BNC2: variants seen among roughly 807,000 people sequenced by gnomAD.
BNC2 encodes basonuclin zinc finger protein 2.
BNC2 carries 20 observed loss-of-function variants against 76.3 expected under a neutral mutation model. The observed-to-expected ratio is 0.26, with a 90% CI of 0.18 to 0.38. The LOEUF (loss-of-function observed/expected upper bound fraction) is 0.38, where lower values mean the gene tolerates loss of function less well. BNC2 is among the 10% of genes least tolerant of loss of function. The pLI, the probability that BNC2 is intolerant of heterozygous loss-of-function variation, is 1.00. For synonymous variants in BNC2, 582 were observed against 514.8 expected (o/e 1.13, Z -1.77); for missense variants, 1,382 against 1,399.8 (o/e 0.99, Z 0.20).
At chr9:16,753,895 G>A (rs570639793) in intron 1 of BNC2, among the ~76,000 whole-genome samples, 2 of 152,264 alleles carry the variant, frequency 1.3e-5, no homozygotes, top group African/African-American at 4.8e-5. Context: ...ATCACTTGAA[G>A]TGAATCACAC....
chr9:16,821,663 C>G (rs1397690252), intron 1 of BNC2, among the ~76,000 whole-genome samples: 1 of 152,000 alleles, frequency 6.6e-6, no homozygotes, highest in Non-Finnish European at 1.5e-5. Context: ...TTAAGAAGAA[C>G]CCAGCAGGGC....
At chr9:16,844,778 C>T (rs903307023) in intron 1 of BNC2, among the ~76,000 whole-genome samples, 7 of 152,026 alleles carry the variant, frequency 4.6e-5, no homozygotes, top group African/African-American at 7.2e-5. Flanking sequence ...TACAGGCATG[C>T]GCCACCGCAC....
At chr9:16,807,585 A>C (rs1226338371) in intron 1 of BNC2, among the ~76,000 whole-genome samples, 4 of 152,222 alleles carry the variant, frequency 2.6e-5, no homozygotes, top group Admixed American at 2.6e-4. Flanking sequence ...GAAATGCTCC[A>C]TGAAGAGAGG....
chr9:16,436,211 A>C lies in BNC2; in HGVS notation c.1983T>G (p.Asn661Lys). 3.1e-6 allele frequency: 5 copies of C among 1,613,988 alleles called. No homozygotes were observed. The highest frequency in any genetic ancestry group is 4.2e-6 in the Non-Finnish European group (5 of 1,179,996). Residue 661 changes from asparagine to lysine, a missense_variant, in exon 6 of 7, where the codon AAT (asparagine) becomes AAG (lysine). Around this residue, in one of 3 missense-constraint regions of BNC2, gnomAD observed 798 missense variants for 775.5 expected, o/e 1.03. Coordinates refer to ENST00000380672, the MANE Select transcript of BNC2 (RefSeq NM_017637.6). ...DEFDDEDDDP[N>K]DGGAVVNDMS... ...TGTCATTGACCACAGCTCCACCATC[A>C]TTGGGGTCATCATCTTCATCATCAA...
intron 1 of BNC2, among the ~76,000 whole-genome samples, chr9:16,841,307 A>G (rs980698277): frequency 2.6e-5 from 4 of 152,354 alleles, no homozygotes; most frequent in East Asian, 1.9e-4. Flanking sequence ...GCTTAAAGAA[A>G]TTCTGTCCCT....
intron 1 of BNC2, among the ~76,000 whole-genome samples, chr9:16,863,810 T>C (rs1395283867): frequency 6.6e-6 from 1 of 152,302 alleles, no homozygotes; most frequent in East Asian, 1.9e-4. Flanking sequence ...ATTAACATAT[T>C]TGAAAAGTTA....
intron 3 of BNC2, among the ~76,000 whole-genome samples, chr9:16,611,275 A>G (rs916158874): frequency 6.6e-6 from 1 of 152,196 alleles, no homozygotes; most frequent in African/African-American, 2.4e-5. Flanking sequence ...GCATCCATCC[A>G]GCCAGAGTTT....
intron 1 of BNC2, among the ~76,000 whole-genome samples, chr9:16,796,472 A>G (rs1352490881): frequency 6.6e-6 from 1 of 151,936 alleles, no homozygotes; most frequent in Non-Finnish European, 1.5e-5. Context: ...AGAAATCATG[A>G]AAGGCAGGAG....
intron 3 of BNC2, among the ~76,000 whole-genome samples, chr9:16,615,869 T>C (rs1005467501): frequency 2.0e-5 from 3 of 152,170 alleles, no homozygotes; most frequent in Non-Finnish European, 4.4e-5. Context: ...TGAGCATGAT[T>C]GGTACTATTA....
intron 6 of BNC2, chr9:16,431,417 T>A (rs1820905532): frequency 2.2e-6 from 1 of 462,842 alleles, no homozygotes; most frequent in African/African-American, 2.0e-5. Context: ...TAATTCTGAC[T>A]ATCACGCTCT....
At chr9:16,431,781 G>A (rs1456085401) in intron 6 of BNC2, among the ~76,000 whole-genome samples, 1 of 152,150 alleles carries the variant, frequency 6.6e-6, no homozygotes, top group Non-Finnish European at 1.5e-5. Flanking sequence ...CAATGATTCA[G>A]GCACGTTACA....
intron 3 of BNC2, among the ~76,000 whole-genome samples, chr9:16,719,878 C>A (rs574471409): frequency 1.2e-3 from 180 of 152,320 alleles, no homozygotes; most frequent in African/African-American, 4.2e-3. Context: ...ATCCCTTCAA[C>A]CTACTGCACT....
At position 16,727,828 on chromosome 9, in the gene BNC2, T is replaced by C; in HGVS notation, c.299A>G (p.Asp100Gly). Reference sequence around the variant, plus strand: ...GGACATTCTGAATAAGAGGTTAGTATCAGCGTTTTGCCATGTCCCCATGAA... The same window carrying C: ...GGACATTCTGAATAAGAGGTTAGTACCAGCGTTTTGCCATGTCCCCATGAA... ...PGFMGTWQNA[D>G]TNLLFRMSQQ... is the part of the protein sequence containing the mutation. The change falls in exon 3 of 7, where the codon GAT becomes GGT. Residue 100 changes from aspartate (D) to glycine (G), a missense_variant. Asp to Gly is a moderately conservative substitution (Grantham distance 94, BLOSUM62 -1). Around this residue, in one of 3 missense-constraint regions of BNC2, gnomAD observed 557 missense variants for 540.9 expected, o/e 1.03. Transcript: ENST00000380672. 7 of 1,614,154 alleles carry C rather than the reference T, an allele frequency of 4.3e-6. No homozygotes were observed. The highest frequency in any genetic ancestry group is 5.9e-6 in the Non-Finnish European group (7 of 1,180,012).
rs199654744 is a variant in BNC2, at chr9:16,738,350, A to G, written c.129+10T>C. On this transcript the variant is annotated intron_variant, in intron 2 of 6. Transcript: ENST00000380672. Reference sequence around the variant, plus strand: ...AGTAACTTAAAGGGGGAAAAAAAAAACCAACATACCTCAATTTGAGATGTA... The same window carrying G: ...AGTAACTTAAAGGGGGAAAAAAAAAGCCAACATACCTCAATTTGAGATGTA... 1 of 1,594,702 alleles carries G rather than the reference A, an allele frequency of 6.3e-7. No individual in the cohort carries two copies. The highest frequency in any genetic ancestry group is 8.5e-7 in the Non-Finnish European group (1 of 1,172,016).
intron 1 of BNC2, among the ~76,000 whole-genome samples, chr9:16,821,506 G>C (rs1488170716): frequency 1.3e-5 from 2 of 152,052 alleles, no homozygotes; most frequent in Non-Finnish European, 2.9e-5. Context: ...ACTTTCTTTT[G>C]TACAGATTTT....
At chr9:16,611,643 C>T (rs12000955) in intron 3 of BNC2, among the ~76,000 whole-genome samples, 6,557 of 152,210 alleles carry the variant, frequency 0.043, 512 homozygotes, top group African/African-American at 0.15. Context: ...TCTCACTTTA[C>T]ACTCTGATAA....
chr9:16,452,348 A>G (rs892412027), intron 5 of BNC2, among the ~76,000 whole-genome samples: 16 of 152,210 alleles, frequency 1.1e-4, no homozygotes, highest in Non-Finnish European at 1.9e-4. Context: ...GCAGTTCTGT[A>G]AAGGCTTATG....
At chr9:16,507,127 C>T (rs910468229) in intron 5 of BNC2, among the ~76,000 whole-genome samples, 1 of 152,116 alleles carries the variant, frequency 6.6e-6, no homozygotes, top group African/African-American at 2.4e-5. Flanking sequence ...ACTTCTACAG[C>T]ACTTTATATC....
chr9:16,429,324 C>A (rs191916991), intron 6 of BNC2: 1 of 152,162 alleles, frequency 6.6e-6, no homozygotes, highest in Non-Finnish European at 1.5e-5. Flanking sequence ...TGAATGTTAA[C>A]GTACATGTAC....
Sources: gnomAD v4.1 joint callset for allele counts (sites outside exome capture counted in the v4.1 genomes callset) on GRCh38, gnomAD v4.1.1 for gene constraint, gnomAD v4.1.1 regional missense constraint, MANE v1.5 for transcripts, NCBI Gene and HGNC (gene_info 2026-07-23, HGNC 2026-07-21) for gene names.